LYPD5: variants seen among roughly 807,000 people sequenced by gnomAD.
The protein encoded by LYPD5 is LY6/PLAUR domain containing 5.
LYPD5 carries 21 observed loss-of-function variants against 19.1 expected under a neutral mutation model. The ratio of observed to expected loss-of-function variants is 1.10; its 90% CI spans 0.78 to 1.58. LYPD5 has a LOEUF of 1.58. Among genes scored for constraint, LYPD5 ranks in the 40% most tolerant of loss-of-function variants. The probability of loss-of-function intolerance (pLI) is 0.00; values close to 1 mark genes in which losing one functional copy is unlikely to be tolerated. For synonymous variants in LYPD5, 128 were observed against 142.7 expected (o/e 0.90, Z 0.74); for missense variants, 287 against 329.8 (o/e 0.87, Z 1.00).
At chr19:43,803,839 CCTCT>C (rs542033001), upstream of LYPD5, among the ~76,000 whole-genome samples, 1 of 151,956 alleles carries the variant, frequency 6.6e-6, no homozygotes, top group Non-Finnish European at 1.5e-5. Flanking sequence ...CCCCGCACCC[CCTCT>C]CTTTTTCTTT....
upstream of LYPD5, among the ~76,000 whole-genome samples, chr19:43,805,188 A>T (rs1451926096): frequency 6.6e-6 from 1 of 151,732 alleles, no homozygotes; most frequent in Non-Finnish European, 1.5e-5. Context: ...GCCTCTCAAA[A>T]TTTTTTTTCA....
At position 43,798,928 on chromosome 19, in the gene LYPD5, T is replaced by C. The variant is rs536675872; in HGVS notation, c.254A>G (p.Gln85Arg). ...CAGCGCGTCCGCGTTCGATTGCGTC[T>C]GGCCCGCAGGAGGCCCGGTCCAGCA... ...KGCWTGPPAG[Q>R]TQSNADALPP... Residue 85 changes from glutamine to arginine, a missense_variant, in exon 3 of 5, where the codon CAG (glutamine) becomes CGG (arginine). Transcript: ENST00000377950. The C allele has an allele frequency of 2.8e-5, 45 of 1,594,336 alleles. No homozygotes were observed. In the East Asian group the frequency reaches 7.9e-4, roughly 28 times the overall value.
chr19:43,812,478 G>A (rs2146505961), intron 1 of LYPD5, among the ~76,000 whole-genome samples: 1 of 152,004 alleles, frequency 6.6e-6, no homozygotes, highest in Non-Finnish European at 1.5e-5. Context: ...AAAGCAAGTT[G>A]CAGACATCTT....
At chr19:43,806,898 C>T (rs890695891), upstream of LYPD5, among the ~76,000 whole-genome samples, 2 of 152,104 alleles carry the variant, frequency 1.3e-5, no homozygotes, top group Admixed American at 1.3e-4. Context: ...GGTTGAGGAC[C>T]GCTGCTCTAG....
chr19:43,804,743 G>C (rs112571853), upstream of LYPD5, among the ~76,000 whole-genome samples: 1,970 of 152,192 alleles, frequency 0.013, 46 homozygotes, highest in African/African-American at 0.045. Context: ...GCTCTCAGTG[G>C]GGGTCTATCC....
intron 2 of LYPD5, 21 bp from the exon 3 acceptor site, chr19:43,799,009 C>G: frequency 1.9e-6 from 3 of 1,543,734 alleles, no homozygotes; most frequent in Non-Finnish European, 2.6e-6. Flanking sequence ...GATCGGGGCT[C>G]GTGCTCTGCT....
chr19:43,809,581 AG>A (rs911512946), intron 1 of LYPD5, among the ~76,000 whole-genome samples: 64 of 152,036 alleles, frequency 4.2e-4, no homozygotes, highest in African/African-American at 1.5e-3. Flanking sequence ...TAGTAGAGAC[AG>A]GGTTTCACCA....
chr19:43,817,102 G>A (rs1303017746), intron 1 of LYPD5, among the ~76,000 whole-genome samples: 1 of 152,134 alleles, frequency 6.6e-6, no homozygotes, highest in Non-Finnish European at 1.5e-5. Context: ...TTGAAATTAC[G>A]AATATTATTT....
chr19:43,814,039 T>G (rs1970348886), intron 1 of LYPD5, among the ~76,000 whole-genome samples: 2 of 152,242 alleles, frequency 1.3e-5, no homozygotes, highest in Non-Finnish European at 2.9e-5. Context: ...GCATGCATTT[T>G]GTATGTACGC....
intron 2 of LYPD5, among the ~76,000 whole-genome samples, chr19:43,799,313 G>T (rs868687406): frequency 1.3e-5 from 2 of 151,986 alleles, no homozygotes; most frequent in Non-Finnish European, 2.9e-5. Flanking sequence ...ACCCGATTTC[G>T]GCTCACTGCA....
intron 1 of LYPD5, among the ~76,000 whole-genome samples, chr19:43,815,133 G>A (rs1045800915): frequency 5.9e-5 from 9 of 152,112 alleles, no homozygotes; most frequent in South Asian, 2.1e-4. Context: ...AGATTGCATC[G>A]CAGGCTTTAC....
chr19:43,800,376 C>T (rs553936736), intron 1 of LYPD5, among the ~76,000 whole-genome samples: 1 of 152,284 alleles, frequency 6.6e-6, no homozygotes, highest in African/African-American at 2.4e-5. Context: ...TGCACCCAGG[C>T]AGAGTTTTAC....
At chr19:43,802,206 A>AGCCCCTCCTCCCGC (rs1230218360) in intron 1 of LYPD5, 111 bp downstream of exon 1, 1 of 654,780 alleles carries the variant, frequency 1.5e-6, no homozygotes. Context: ...TCAGGCCCCC[A>AGCCCCTCCTCCCGC]ACCCCTCCTC....
Position 43,796,122 on chromosome 19 carries a change from T to A in LYPD5, c.*1469A>T, listed in dbSNP as rs1233087976. 2 of 152,128 alleles carry A rather than the reference T, an allele frequency of 1.3e-5. No homozygotes were observed. Among genetic ancestry groups the A allele is most frequent in the Non-Finnish European group, 2.9e-5 (2 of 68,022 alleles). 9.4% of individuals were successfully genotyped at this position (152,128 alleles called of 1,614,324 possible). ...TTTATAAGGGCACTAATCCTATTCA[T>A]GGGGGCTCCACCCTCATGATCTCAC... On this transcript the variant is annotated 3_prime_UTR_variant, in exon 5 of 5. Coordinates refer to ENST00000377950, the MANE Select transcript of LYPD5 (RefSeq NM_001031749.3).
chr19:43,797,376 T>G lies in LYPD5; in HGVS notation c.*215A>C. 1.8e-6 allele frequency: 1 copy of G among 546,200 alleles called. No individual in the cohort carries two copies. Among genetic ancestry groups the G allele is most frequent in the Non-Finnish European group, 3.3e-6 (1 of 307,530 alleles). The allele number at this position is 546,200 out of a possible 1,614,324, so 33.8% of individuals were successfully genotyped here. A position where few individuals can be genotyped will look rare whatever the true frequency, so the allele number is the denominator to read the frequency against. On this transcript the variant is annotated 3_prime_UTR_variant, in exon 5 of 5. Coordinates refer to ENST00000377950, the MANE Select transcript of LYPD5 (RefSeq NM_001031749.3). The stretch of plus-strand genomic sequence containing the variant: ...GCTCTTCATCGGGGCACGACATGGC[T>G]GTTTTGCCCTCCCCGGGGATGCTGG...
At chr19:43,801,424 C>T (rs1371919691) in intron 1 of LYPD5, among the ~76,000 whole-genome samples, 1 of 151,940 alleles carries the variant, frequency 6.6e-6, no homozygotes, top group African/African-American at 2.4e-5. Context: ...TTGCTTGGGC[C>T]CAGGAGGTCA....
chr19:43,798,116 C>A (rs1200586661), intron 4 of LYPD5, among the ~76,000 whole-genome samples: 3 of 149,464 alleles, frequency 2.0e-5, no homozygotes, highest in Non-Finnish European at 4.5e-5. Flanking sequence ...GGCATGGCCT[C>A]CTTCCTCAGA....
intron 1 of LYPD5, among the ~76,000 whole-genome samples, chr19:43,811,726 A>AGAGG (rs1296118136): frequency 3.2e-5 from 2 of 61,902 alleles, no homozygotes; most frequent in African/African-American, 1.6e-4. Context: ...AGGGAAGGAG[A>AGAGG]GAGGGAGGGA....
upstream of LYPD5, among the ~76,000 whole-genome samples, chr19:43,807,280 TC>T (rs370603954): frequency 0.088 from 13,044 of 148,118 alleles, 698 homozygotes; most frequent in Non-Finnish European, 0.12. Flanking sequence ...TCTTTTCTTT[TC>T]TTTTTCTTTT....
Sources: gnomAD v4.1 joint callset for allele counts (sites outside exome capture counted in the v4.1 genomes callset) on GRCh38, gnomAD v4.1.1 for gene constraint, MANE v1.5 for transcripts, NCBI Gene and HGNC (gene_info 2026-07-23, HGNC 2026-07-21) for gene names.